The following XPO1 variants were observed in gnomAD, a reference collection of about 807,000 sequenced individuals.
XPO1 encodes the protein exportin-1.
A neutral mutation model predicts 133.3 loss-of-function variants in XPO1; 5 were observed. The observed-to-expected ratio is 0.04, with a 90% CI of 0.02 to 0.08. The LOEUF (loss-of-function observed/expected upper bound fraction) is 0.08, where lower values mean the gene tolerates loss of function less well. XPO1 is among the 10% of genes least tolerant of loss of function. The pLI, the probability that XPO1 is intolerant of heterozygous loss-of-function variation, is 1.00. For missense variants in XPO1, 506 were observed against 1,267.5 expected (o/e 0.40, Z 9.12); for synonymous variants, 419 against 408.2 (o/e 1.03, Z -0.32).
At position 61,533,662 on chromosome 2, in the gene XPO1, T is replaced by C. The variant is rs528014945; in HGVS notation, c.126+110A>G. On this transcript the variant is annotated intron_variant, in intron 2 of 24. Coordinates refer to ENST00000401558, the MANE Select transcript of XPO1 (RefSeq NM_003400.4). ...TGGTTAATACAGAATTCCAAATTAA[T>C]GCAAACTATGGAATATCTTTTTTAA... 8 of 1,236,582 alleles carry C rather than the reference T, an allele frequency of 6.5e-6. No homozygotes were observed. In the African/African-American group the frequency reaches 1.1e-4, roughly 17 times the overall value. The allele number at this position is 1,236,582 out of a possible 1,614,324, so 76.6% of individuals were successfully genotyped here.
intron 3 of XPO1, 107 bp downstream of exon 3, chr2:61,526,313 A>G: frequency 6.8e-7 from 1 of 1,461,036 alleles, no homozygotes; most frequent in Non-Finnish European, 8.9e-7. Flanking sequence ...TTAACAATAT[A>G]AAATAATTTG....
intron 21 of XPO1, 68 bp downstream of exon 21, chr2:61,483,869 T>G: frequency 6.6e-7 from 1 of 1,510,006 alleles, no homozygotes; most frequent in Non-Finnish European, 9.1e-7. Context: ...TACCTTCCTA[T>G]GTACAATTAA....
In XPO1 at chr2:61,537,555, G is replaced by C. The variant is rs1699408386; in HGVS notation, c.-7+7C>G. On this transcript the variant is annotated splice_region_variant and intron_variant, in intron 1 of 24. Coordinates refer to ENST00000401558, the MANE Select transcript of XPO1 (RefSeq NM_003400.4). ...GACCCTCGGCCCCGAAGACACAGTC[G>C]ACTTACCCAGAGATTGAACCAACTG... 2 of 150,434 alleles carry C rather than the reference G, an allele frequency of 1.3e-5. No individual in the cohort carries two copies. The highest frequency in any genetic ancestry group is 3.9e-4 in the East Asian group (2 of 5,108). The allele number at this position is 150,434 out of a possible 1,614,324, so 9.3% of individuals were successfully genotyped here. A position where few individuals can be genotyped will look rare whatever the true frequency, so the allele number is the denominator to read the frequency against.
chr2:61,512,613 T>G (rs561920625), intron 4 of XPO1, among the ~76,000 whole-genome samples: 10 of 152,334 alleles, frequency 6.6e-5, no homozygotes, highest in African/African-American at 2.4e-4. Context: ...AAGATGTTCA[T>G]TCTCTCCAAA....
intron 24 of XPO1, among the ~76,000 whole-genome samples, chr2:61,479,201 T>A (rs1436474225): frequency 6.6e-6 from 1 of 152,154 alleles, no homozygotes; most frequent in Non-Finnish European, 1.5e-5. Context: ...GCATGGTGGC[T>A]CACGCCTGTA....
chr2:61,510,252 G>C (rs1698022563), intron 4 of XPO1, among the ~76,000 whole-genome samples: 1 of 152,200 alleles, frequency 6.6e-6, no homozygotes, highest in Non-Finnish European at 1.5e-5. Flanking sequence ...AATCCAAGCA[G>C]CCTGGGCGAC....
chr2:61,504,303 G>C (rs902658981), intron 4 of XPO1, among the ~76,000 whole-genome samples: 3 of 152,066 alleles, frequency 2.0e-5, no homozygotes, highest in Non-Finnish European at 4.4e-5. Context: ...ATCTACTATA[G>C]GTTCCATTCT....
intron 4 of XPO1, among the ~76,000 whole-genome samples, chr2:61,521,895 G>A (rs542362217): frequency 2.0e-5 from 3 of 150,988 alleles, no homozygotes; most frequent in East Asian, 2.0e-4. Flanking sequence ...CCCTGTCCCC[G>A]CCGCCACCTG....
chr2:61,511,567 A>T (rs1478540744), intron 4 of XPO1, among the ~76,000 whole-genome samples: 1 of 152,118 alleles, frequency 6.6e-6, no homozygotes, highest in African/African-American at 2.4e-5. Context: ...GCACTCGACC[A>T]TACACTGCTA....
Position 61,492,958 on chromosome 2 carries a change from A to G in XPO1, c.1341T>C (p.Asp447=). The G allele has an allele frequency of 6.2e-7, 1 of 1,610,298 alleles. No individual in the cohort carries two copies. Among genetic ancestry groups the G allele is most frequent in the South Asian group, 1.1e-5 (1 of 90,006 alleles). The part of the protein sequence containing the change: ...QGEVVREFMK[D]TDSINLYKNM... Reference sequence around the variant, plus strand: ...TCTTATACAAATTTATGGAATCTGTATCCTTCATGAATTCTCTCACAACTT... The same window carrying G: ...TCTTATACAAATTTATGGAATCTGTGTCCTTCATGAATTCTCTCACAACTT... Residue 447 remains aspartate (D), a synonymous_variant, in exon 13 of 25, where the codon GAT becomes GAC. Transcript: ENST00000401558. The surrounding 1 kb of genome is among the most constrained non-coding windows in gnomAD (Gnocchi z 5.6).
At chr2:61,510,105 CCTGT>C (rs1698015895) in intron 4 of XPO1, among the ~76,000 whole-genome samples, 1 of 152,042 alleles carries the variant, frequency 6.6e-6, no homozygotes, top group South Asian at 2.1e-4. Context: ...CATGGTGAAA[CCTGT>C]CTATTAAAAT....
In XPO1 at chr2:61,485,937, A is replaced by G. The variant is rs756301364; in HGVS notation, c.2339T>C (p.Leu780Pro). ...ATAATCAATGAGAACTGCATCCAAC[A>G]GAGGGGGAACAAAATTTTCAGCGAC... is the stretch of plus-strand genomic sequence containing the variant. ...QMVAENFVPP[L>P]LDAVLIDYQR... The change falls in exon 20 of 25, where the codon CTG becomes CCG. Residue 780 changes from leucine (L) to proline (P), a missense_variant. This residue lies in a region of XPO1 where 203 missense variants were observed against 365.9 expected (regional missense o/e 0.55). Coordinates refer to ENST00000401558, the MANE Select transcript of XPO1 (RefSeq NM_003400.4). 2 of 1,609,640 alleles carry G rather than the reference A, an allele frequency of 1.2e-6. No homozygotes were observed. The highest frequency in any genetic ancestry group is 2.7e-5 in the African/African-American group (2 of 74,846).
At chr2:61,488,845 T>A in intron 17 of XPO1, 74 bp from the exon 18 acceptor site, 1 of 1,524,776 alleles carries the variant, frequency 6.6e-7, no homozygotes, top group Non-Finnish European at 8.9e-7. Flanking sequence ...CTCACGCCTG[T>A]AATCCCAGCA....
chr2:61,495,314 A>C (rs903635296), intron 11 of XPO1, 141 bp downstream of exon 11: 4 of 588,350 alleles, frequency 6.8e-6, no homozygotes, highest in Non-Finnish European at 1.0e-5. Flanking sequence ...GTAATTCAGA[A>C]TTGAGAATAT....
At position 61,532,987 on chromosome 2, in the gene XPO1, T is replaced by C. The variant is rs547608653; in HGVS notation, c.126+785A>G. ...GAGGTCAGGAGTTCCAAGACCAGCC[T>C]GGCCAACACGGTGAAACCCCATCTC... is the stretch of plus-strand genomic sequence containing the variant. On this transcript the variant is annotated intron_variant, in intron 2 of 24. Transcript: ENST00000401558. Among the ~76,000 whole-genome samples, 6 of 152,050 alleles carry C rather than the reference T, an allele frequency of 3.9e-5. No homozygotes were observed. The South Asian group carries it at 1.2e-3, about 32-fold the overall frequency.
intron 4 of XPO1, among the ~76,000 whole-genome samples, chr2:61,513,583 C>A (rs1313501829): frequency 1.3e-5 from 2 of 151,208 alleles, no homozygotes; most frequent in Admixed American, 1.3e-4. Flanking sequence ...CCTCGGCCTC[C>A]CAAATTGCTG....
intron 2 of XPO1, among the ~76,000 whole-genome samples, chr2:61,531,917 G>GC (rs1425695542): frequency 6.6e-6 from 1 of 152,100 alleles, no homozygotes; most frequent in Non-Finnish European, 1.5e-5. Context: ...CAGAATCACT[G>GC]CAAGAGTAAT....
At chr2:61,493,200 G>C (rs1231932442) in intron 12 of XPO1, 147 bp from the exon 13 acceptor site, 2 of 748,390 alleles carry the variant, frequency 2.7e-6, no homozygotes, top group African/African-American at 1.8e-5. Flanking sequence ...AACTATTCCG[G>C]AGGGCCGAGG....
intron 22 of XPO1, 143 bp downstream of exon 22, chr2:61,482,814 A>G: frequency 1.0e-6 from 1 of 969,890 alleles, no homozygotes. Context: ...TTTAGTACAG[A>G]CAGTTTCACC....
Sources: gnomAD v4.1 joint callset for allele counts (sites outside exome capture counted in the v4.1 genomes callset) on GRCh38, gnomAD v4.1.1 for gene constraint, gnomAD v4.1.1 regional missense constraint, Gnocchi (gnomAD v3.1) non-coding constraint, MANE v1.5 for transcripts, NCBI Gene and HGNC (gene_info 2026-07-23, HGNC 2026-07-21) for gene names.